Variants in HTR1E observed in about 807,000 individuals in gnomAD.
HTR1E encodes the protein 5-hydroxytryptamine receptor 1E.
In HTR1E, 3 loss-of-function variants were observed where a neutral mutation model predicts 3.4. That is an observed-to-expected ratio of 0.89 (90% CI 0.41 to 2.31). The LOEUF (loss-of-function observed/expected upper bound fraction) is 2.31. Ranked by LOEUF, HTR1E falls within the 30% of genes most tolerant of loss-of-function variation. HTR1E has a pLI of 0.05. For synonymous variants in HTR1E, 170 were observed against 182.8 expected (o/e 0.93, Z 0.56); for missense variants, 392 against 467.0 (o/e 0.84, Z 1.48).
chr6:86,998,021 A>T (rs1767968688), intron 1 of HTR1E, among the ~76,000 whole-genome samples: 1 of 149,986 alleles, frequency 6.7e-6, no homozygotes. Flanking sequence ...ATAATGTTAT[A>T]AGAACTATTC....
At chr6:86,955,408 G>T (rs1197981911) in intron 1 of HTR1E, among the ~76,000 whole-genome samples, 1 of 152,186 alleles carries the variant, frequency 6.6e-6, no homozygotes, top group African/African-American at 2.4e-5. Context: ...ACAGATACTT[G>T]ATAGTGAGAT....
intron 1 of HTR1E, among the ~76,000 whole-genome samples, chr6:87,007,824 C>T (rs1454763335): frequency 6.6e-6 from 1 of 152,002 alleles, no homozygotes; most frequent in Non-Finnish European, 1.5e-5. Context: ...GTCCCAGCTG[C>T]TCAAAAGGCT....
At chr6:86,975,947 A>T (rs72912484) in intron 1 of HTR1E, among the ~76,000 whole-genome samples, 34,350 of 139,398 alleles carry the variant, frequency 0.25, 4,638 homozygotes, top group African/African-American at 0.37. Context: ...ACACACACAC[A>T]CTCTCTCTCT....
chr6:86,993,522 T>C (rs2127828294), intron 1 of HTR1E, among the ~76,000 whole-genome samples: 1 of 150,718 alleles, frequency 6.6e-6, no homozygotes, highest in African/African-American at 2.4e-5. Context: ...GAATATGTTC[T>C]AAATTTTACT....
intron 1 of HTR1E, among the ~76,000 whole-genome samples, chr6:86,980,119 G>A (rs1767690606): frequency 6.6e-6 from 1 of 152,184 alleles, no homozygotes; most frequent in Non-Finnish European, 1.5e-5. Context: ...CAGGCGCGGT[G>A]GCTCACGCCT....
chr6:86,959,087 G>A (rs1455441689), intron 1 of HTR1E, among the ~76,000 whole-genome samples: 1 of 152,040 alleles, frequency 6.6e-6, no homozygotes, highest in Non-Finnish European at 1.5e-5. Flanking sequence ...ACCCAGGGCA[G>A]AGCTGATATT....
At chr6:87,005,205 CA>C (rs1768083510) in intron 1 of HTR1E, among the ~76,000 whole-genome samples, 1 of 152,040 alleles carries the variant, frequency 6.6e-6, no homozygotes. Context: ...ATCAAAATAC[CA>C]ATGACATTGT....
chr6:86,988,719 C>T (rs978095589), intron 1 of HTR1E, among the ~76,000 whole-genome samples: 3 of 152,100 alleles, frequency 2.0e-5, no homozygotes. Flanking sequence ...AAATGATAAC[C>T]TGAAATGAAG....
intron 1 of HTR1E, among the ~76,000 whole-genome samples, chr6:86,945,237 T>TTTTGTTTG (rs55799709): frequency 9.9e-5 from 15 of 151,808 alleles, no homozygotes; most frequent in African/African-American, 3.1e-4. Context: ...TGTATCTTAG[T>TTTTGTTTG]TTTGTTTGTT....
intron 1 of HTR1E, among the ~76,000 whole-genome samples, chr6:86,948,717 C>A (rs1767162391): frequency 6.6e-6 from 1 of 152,156 alleles, no homozygotes. Flanking sequence ...CAGGCCCATC[C>A]AAACATCTTG....
intron 1 of HTR1E, among the ~76,000 whole-genome samples, chr6:86,999,545 G>A (rs1015813339): frequency 6.6e-6 from 1 of 152,118 alleles, no homozygotes; most frequent in Non-Finnish European, 1.5e-5. Flanking sequence ...GCCACAAAAA[G>A]CACCTTAGAA....
At position 86,947,624 on chromosome 6, in the gene HTR1E, G is replaced by C. The variant is rs368986798; in HGVS notation, c.-186+9801G>C. Among the ~76,000 whole-genome samples, 3 of 151,458 alleles carry C rather than the reference G, an allele frequency of 2.0e-5. No homozygotes were observed. In the South Asian group the frequency reaches 6.3e-4, roughly 32 times the overall value. ...GCCTTAGTGCTTTCCCTCTCTATAG[G>C]GAGAAAAGAGTGGTTTCTTTTTCAA... On this transcript the variant is annotated intron_variant, in intron 1 of 1. Transcript: ENST00000305344.
At chr6:86,977,474 A>G (rs1767653824) in intron 1 of HTR1E, among the ~76,000 whole-genome samples, 1 of 152,152 alleles carries the variant, frequency 6.6e-6, no homozygotes, top group Admixed American at 6.6e-5. Context: ...TGTTATTGTG[A>G]ATAGTGAGGA....
chr6:86,987,588 CTG>C (rs1394776668), intron 1 of HTR1E, among the ~76,000 whole-genome samples: 1 of 152,052 alleles, frequency 6.6e-6, no homozygotes, highest in African/African-American at 2.4e-5. Flanking sequence ...ACTAGTATAA[CTG>C]AGGAACTGAT....
At chr6:87,003,964 A>G (rs2127831091) in intron 1 of HTR1E, among the ~76,000 whole-genome samples, 1 of 152,312 alleles carries the variant, frequency 6.6e-6, no homozygotes, top group African/African-American at 2.4e-5. Context: ...AGATCGTTAG[A>G]GGCTACTGTG....
intron 1 of HTR1E, among the ~76,000 whole-genome samples, chr6:86,991,534 T>C (rs1411618980): frequency 6.6e-6 from 1 of 152,146 alleles, no homozygotes; most frequent in East Asian, 1.9e-4. Context: ...TGGAGCATGG[T>C]AGAGTTTTAT....
chr6:87,003,983 T>C (rs1768066228), intron 1 of HTR1E, among the ~76,000 whole-genome samples: 1 of 152,312 alleles, frequency 6.6e-6, no homozygotes, highest in African/African-American at 2.4e-5. Flanking sequence ...TGTGCAATTA[T>C]ATGCCAATAA....
intron 1 of HTR1E, among the ~76,000 whole-genome samples, chr6:86,996,458 C>A (rs1276750520): frequency 2.7e-5 from 4 of 149,722 alleles, no homozygotes; most frequent in African/African-American, 9.8e-5. Flanking sequence ...ATAAAATTGA[C>A]AAACCTTATA....
At chr6:86,945,424 G>A (rs990421891) in intron 1 of HTR1E, among the ~76,000 whole-genome samples, 1 of 151,922 alleles carries the variant, frequency 6.6e-6, no homozygotes, top group Admixed American at 6.6e-5. Context: ...TGAATTTTTA[G>A]TAGAGACGGG....
Sources: allele counts gnomAD v4.1 joint callset (sites outside exome capture counted in the v4.1 genomes callset), GRCh38; gene constraint gnomAD v4.1.1; transcripts MANE v1.5; gene names NCBI Gene and HGNC (gene_info 2026-07-23, HGNC 2026-07-21).